The following CNTN6 variants were observed in gnomAD, a reference collection of about 807,000 sequenced individuals.
CNTN6 encodes contactin-6.
A neutral mutation model predicts 122.8 loss-of-function variants in CNTN6; 137 were observed. The ratio of observed to expected loss-of-function variants is 1.12; its 90% CI spans 0.97 to 1.29. The LOEUF is 1.29. Among genes scored for constraint, CNTN6 ranks in the 50% most tolerant of loss-of-function variants. The pLI, the probability that CNTN6 is intolerant of heterozygous loss-of-function variation, is 0.00. For synonymous variants in CNTN6, 570 were observed against 426.0 expected, an observed-to-expected ratio of 1.34 and a Z score of -4.16; for missense variants, 1,634 against 1,223.4, an observed-to-expected ratio of 1.34 and a Z score of -5.01.
rs3043051 is a variant in CNTN6, at chr3:1,142,968, G to GTATATATATA, written c.-82-4933_-82-4924dup. Among the ~76,000 whole-genome samples the GTATATATATA allele has an allele frequency of 2.4e-3, 311 of 128,540 alleles. 2 individuals are homozygous for GTATATATATA. The highest frequency in any genetic ancestry group is 6.7e-3 in the African/African-American group (217 of 32,344). The allele number at this position is 128,540 out of a possible 152,430, so 84.3% of individuals were successfully genotyped here. ...TACATATAAATTTGTGTGTGTGTGT[G>GTATATATATA]TATATATATATATATATATATATAT... On this transcript the variant is annotated intron_variant, in intron 1 of 22. Coordinates refer to ENST00000446702, the MANE Select transcript of CNTN6 (RefSeq NM_001289080.2).
At chr3:1,255,425 A>AAAAGAAAG (rs561663204) in intron 4 of CNTN6, among the ~76,000 whole-genome samples, 1,710 of 144,354 alleles carry the variant, frequency 0.012, 12 homozygotes, top group South Asian at 0.034. Context: ...TGGAAAAAAA[A>AAAAGAAAG]AAAGAAAGAA....
chr3:1,315,911 G>C (rs770253384), intron 7 of CNTN6, among the ~76,000 whole-genome samples: 1 of 151,622 alleles, frequency 6.6e-6, no homozygotes. Flanking sequence ...GTGGAGATCT[G>C]ATTTCAGTGT....
At chr3:1,307,271 G>T (rs904563267) in intron 7 of CNTN6, among the ~76,000 whole-genome samples, 1 of 152,140 alleles carries the variant, frequency 6.6e-6, no homozygotes, top group Non-Finnish European at 1.5e-5. Flanking sequence ...ATCAAATAGA[G>T]ACTGGAGAGG....
chr3:1,146,606 TTTTTG>T (rs1464664551), intron 1 of CNTN6, among the ~76,000 whole-genome samples: 4 of 152,294 alleles, frequency 2.6e-5, no homozygotes, highest in African/African-American at 7.2e-5. Flanking sequence ...CGTAAGGTTT[TTTTTG>T]TTTTGTTTCT....
chr3:1,341,192 T>C (rs1703840295), intron 11 of CNTN6, among the ~76,000 whole-genome samples: 2 of 152,116 alleles, frequency 1.3e-5, no homozygotes, highest in African/African-American at 4.8e-5. Flanking sequence ...GTTGGTTTTT[T>C]TTTTTTAATT....
At chr3:1,274,116 C>T (rs1340541334) in intron 4 of CNTN6, among the ~76,000 whole-genome samples, 1 of 152,040 alleles carries the variant, frequency 6.6e-6, no homozygotes, top group Non-Finnish European at 1.5e-5. Context: ...AAATTGTCAC[C>T]TATGATGATT....
At chr3:1,227,190 T>G (rs1356567064) in intron 3 of CNTN6, among the ~76,000 whole-genome samples, 1 of 152,224 alleles carries the variant, frequency 6.6e-6, no homozygotes, top group Non-Finnish European at 1.5e-5. Context: ...AGAGAATTTT[T>G]GCTTCTCAAA....
chr3:1,212,485 G>GTA (rs887940408), intron 2 of CNTN6, among the ~76,000 whole-genome samples: 4 of 120,132 alleles, frequency 3.3e-5, no homozygotes, highest in Non-Finnish European at 5.0e-5. Context: ...ACATGTGTGT[G>GTA]TATATATATA....
chr3:1,202,585 A>C (rs1015953514), intron 2 of CNTN6, among the ~76,000 whole-genome samples: 1 of 148,962 alleles, frequency 6.7e-6, no homozygotes, highest in Non-Finnish European at 1.5e-5. Context: ...TAAATAAATA[A>C]ATACAAATAA....
chr3:1,386,374 C>T (rs1314712279), intron 20 of CNTN6, among the ~76,000 whole-genome samples: 2 of 152,140 alleles, frequency 1.3e-5, no homozygotes, highest in East Asian at 3.9e-4. Context: ...CTTGGAAGTC[C>T]CTGAAATCTA....
At chr3:1,216,935 G>A (rs750130931) in intron 2 of CNTN6, among the ~76,000 whole-genome samples, 1 of 152,050 alleles carries the variant, frequency 6.6e-6, no homozygotes, top group Admixed American at 6.6e-5. Flanking sequence ...TCAACTTCCT[G>A]GGTTTCAATT....
chr3:1,108,625 T>G (rs1306110995), intron 1 of CNTN6, among the ~76,000 whole-genome samples: 1 of 152,082 alleles, frequency 6.6e-6, no homozygotes, highest in Non-Finnish European at 1.5e-5. Context: ...AGTTTCTACA[T>G]GTTTGGTGTA....
intron 1 of CNTN6, among the ~76,000 whole-genome samples, chr3:1,098,970 G>A (rs1027397886): frequency 8.0e-5 from 12 of 150,572 alleles, no homozygotes; most frequent in African/African-American, 2.9e-4. Flanking sequence ...AAGGGCCTAC[G>A]TTGTAACTCT....
At chr3:1,274,109 T>C (rs759028205) in intron 4 of CNTN6, among the ~76,000 whole-genome samples, 12 of 152,180 alleles carry the variant, frequency 7.9e-5, no homozygotes, top group Non-Finnish European at 1.5e-4. Flanking sequence ...AACCTTAAAA[T>C]TGTCACCTAT....
chr3:1,175,891 A>T (rs1210298087), intron 2 of CNTN6, among the ~76,000 whole-genome samples: 1 of 152,196 alleles, frequency 6.6e-6, no homozygotes, highest in African/African-American at 2.4e-5. Flanking sequence ...GATACAATGG[A>T]GAAGAAGGAA....
chr3:1,167,917 A>C (rs748037593), intron 2 of CNTN6, among the ~76,000 whole-genome samples: 1 of 151,980 alleles, frequency 6.6e-6, no homozygotes, highest in Non-Finnish European at 1.5e-5. Context: ...TTTTCATTTC[A>C]TTTATTTATT....
intron 11 of CNTN6, among the ~76,000 whole-genome samples, chr3:1,349,237 AATATAC>A (rs1004025532): frequency 2.9e-4 from 44 of 152,060 alleles, no homozygotes; most frequent in African/African-American, 9.4e-4. Context: ...CTCATATAAT[AATATAC>A]ATATAATATG....
At chr3:1,332,229 T>C (rs1356495171) in intron 11 of CNTN6, among the ~76,000 whole-genome samples, 3 of 151,934 alleles carry the variant, frequency 2.0e-5, no homozygotes, top group Admixed American at 6.6e-5. Flanking sequence ...GAGATTACAC[T>C]GAGCAGTAAT....
At position 1,284,892 on chromosome 3, in the gene CNTN6, C is replaced by CA. The variant is rs144431907; in HGVS notation, c.454+6385dup. Among the ~76,000 whole-genome samples the CA allele has an allele frequency of 5.3e-3, 808 of 152,256 alleles. 5 individuals are homozygous for CA. Among genetic ancestry groups the CA allele is most frequent in the African/African-American group, 0.018 (765 of 41,538 alleles). The stretch of plus-strand genomic sequence containing the variant: ...GTTGGGAGAACGGCACTGAGGTCAG[C>CA]ATAGGTGAATTAAAATGAACAGACA... On this transcript the variant is annotated intron_variant, in intron 5 of 22. Transcript: ENST00000446702.
Sources: allele counts gnomAD v4.1 joint callset (sites outside exome capture counted in the v4.1 genomes callset), GRCh38; gene constraint gnomAD v4.1.1; transcripts MANE v1.5; gene names NCBI Gene and HGNC (gene_info 2026-07-23, HGNC 2026-07-21).